Variants in NAALADL2 observed in about 807,000 individuals in gnomAD.
NAALADL2 encodes inactive N-acetylated-alpha-linked acidic dipeptidase-like protein 2.
NAALADL2 carries 76 observed loss-of-function variants against 87.2 expected under a neutral mutation model. The observed-to-expected ratio is 0.87, with a 90% CI of 0.72 to 1.05. The LOEUF (loss-of-function observed/expected upper bound fraction) is 1.05, where lower values mean the gene tolerates loss of function less well. Among genes scored for constraint, NAALADL2 ranks in the 50% least tolerant of loss-of-function variants. The pLI is 0.00. For missense variants in NAALADL2, 1,089 were observed against 945.8 expected (o/e 1.15, Z -1.99); for synonymous variants, 354 against 331.0 (o/e 1.07, Z -0.75).
At position 175,329,120 on chromosome 3, in the gene NAALADL2, ATTGT is replaced by A. The variant is rs1337015368; in HGVS notation, c.1090+4800_1090+4803del. Reference sequence around the variant, plus strand: ...CTGGTAATCTATTTACTACCAGTTAATTGTTTGTCTTGACTTAGACTTGAATTTC... The same window carrying A: ...CTGGTAATCTATTTACTACCAGTTAATTGTCTTGACTTAGACTTGAATTTC... On this transcript the variant is annotated intron_variant, in intron 5 of 13. Coordinates refer to ENST00000454872, the MANE Select transcript of NAALADL2 (RefSeq NM_207015.3). 5.9e-5 allele frequency among the ~76,000 whole-genome samples: 9 copies of A among 152,298 alleles called. No individual in the cohort carries two copies. The East Asian group carries it at 1.2e-3, about 20-fold the overall frequency.
At chr3:175,558,633 T>C (rs62288373) in intron 9 of NAALADL2, among the ~76,000 whole-genome samples, 19,737 of 152,154 alleles carry the variant, frequency 0.13, 1,381 homozygotes, top group Middle Eastern at 0.17. Flanking sequence ...TTTCATTCTT[T>C]TGCATATGGA....
At chr3:175,782,707 T>G (rs1423419618) in intron 13 of NAALADL2, among the ~76,000 whole-genome samples, 2 of 134,932 alleles carry the variant, frequency 1.5e-5, no homozygotes, top group Admixed American at 7.2e-5. Flanking sequence ...CTCTTTAGTT[T>G]AATTAGATCC....
rs1391221030 is a variant in NAALADL2, at chr3:175,783,025, G to A, written c.2190-19980G>A. Among the ~76,000 whole-genome samples the A allele has an allele frequency of 2.6e-3, 394 of 149,278 alleles. 1 individual carries two copies. The highest frequency in any genetic ancestry group is 1.9e-3 in the Non-Finnish European group (127 of 67,278). Reference sequence around the variant, plus strand: ...AAGATCAGATAGTTGTAGATATGCAGCATTATTTCTGAGGGCTCTGTTCTG... The same window carrying A: ...AAGATCAGATAGTTGTAGATATGCAACATTATTTCTGAGGGCTCTGTTCTG... On this transcript the variant is annotated intron_variant, in intron 13 of 13. Transcript: ENST00000454872.
chr3:175,506,761 A>G (rs1730379402), intron 9 of NAALADL2, among the ~76,000 whole-genome samples: 1 of 152,216 alleles, frequency 6.6e-6, no homozygotes, highest in African/African-American at 2.4e-5. Context: ...TCATAGATAC[A>G]TGTTAAGCAA....
chr3:175,676,739 C>A (rs1208760067), intron 11 of NAALADL2: 1 of 152,172 alleles, frequency 6.6e-6, no homozygotes, highest in Non-Finnish European at 1.5e-5. Flanking sequence ...CAGAGAGAAA[C>A]CCTTCCTGAC....
chr3:175,398,344 C>CTTTTTTTTTT (rs776575751), intron 5 of NAALADL2, among the ~76,000 whole-genome samples: 1 of 112,088 alleles, frequency 8.9e-6, no homozygotes, highest in Non-Finnish European at 1.8e-5. Context: ...GCTTCTGCTA[C>CTTTTTTTTTT]TTTTTTTTTT....
chr3:175,045,301 T>C (rs956411181), intron 1 of NAALADL2, among the ~76,000 whole-genome samples: 2 of 152,146 alleles, frequency 1.3e-5, no homozygotes, highest in Non-Finnish European at 2.9e-5. Flanking sequence ...TTTCTATTAG[T>C]TCATTTTCTC....
chr3:174,800,231 C>G (rs1189385164), intron 3 of NAALADL2, among the ~76,000 whole-genome samples: 14 of 152,000 alleles, frequency 9.2e-5, no homozygotes, highest in African/African-American at 2.4e-5. Flanking sequence ...AAAATATCAC[C>G]AGGGCATCAC....
intron 11 of NAALADL2, among the ~76,000 whole-genome samples, chr3:175,663,221 T>C (rs1732506258): frequency 6.6e-6 from 1 of 151,666 alleles, no homozygotes; most frequent in African/African-American, 2.4e-5. Context: ...GCTTCAGTCT[T>C]ATTACACATT....
chr3:175,412,162 T>C (rs1349238622), intron 5 of NAALADL2, among the ~76,000 whole-genome samples: 1 of 152,234 alleles, frequency 6.6e-6, no homozygotes, highest in Non-Finnish European at 1.5e-5. Flanking sequence ...TTATTCTAAG[T>C]TGACGTCTCA....
chr3:175,361,640 T>C lies in NAALADL2; in HGVS notation c.1090+37315T>C, dbSNP rs1765023827. ...CAGTGATGATGAGCATTTTTTCATG[T>C]GTCTTTTGGTTGCATAAATGTCTTC... On this transcript the variant is annotated intron_variant, in intron 5 of 13. Transcript: ENST00000454872. Among the ~76,000 whole-genome samples, 2 of 148,580 alleles carry C rather than the reference T, an allele frequency of 1.3e-5. 1 individual carries two copies. The highest frequency in any genetic ancestry group is 4.9e-5 in the African/African-American group (2 of 40,884).
At chr3:174,503,650 A>T (rs1478149266) in intron 1 of NAALADL2, among the ~76,000 whole-genome samples, 1 of 152,130 alleles carries the variant, frequency 6.6e-6, no homozygotes, top group East Asian at 1.9e-4. Flanking sequence ...AATACTAGAA[A>T]TGCTATGCAT....
intron 13 of NAALADL2, among the ~76,000 whole-genome samples, chr3:175,768,847 G>A (rs1749099017): frequency 8.2e-6 from 1 of 121,978 alleles, no homozygotes; most frequent in African/African-American, 4.0e-5. Context: ...ATGAGACTTT[G>A]TCTCAAAAAA....
At chr3:174,972,964 C>A (rs1345027758) in intron 1 of NAALADL2, among the ~76,000 whole-genome samples, 3 of 148,816 alleles carry the variant, frequency 2.0e-5, no homozygotes, top group Non-Finnish European at 4.4e-5. Context: ...CCATTGCACT[C>A]CAGCTTGGGC....
intron 3 of NAALADL2, among the ~76,000 whole-genome samples, chr3:174,770,466 T>C (rs1018639807): frequency 1.3e-5 from 2 of 152,208 alleles, no homozygotes; most frequent in Non-Finnish European, 2.9e-5. Context: ...ATAGGTTAAT[T>C]GATTGTATTA....
At chr3:174,980,051 C>T (rs1042747720) in intron 1 of NAALADL2, among the ~76,000 whole-genome samples, 1 of 152,146 alleles carries the variant, frequency 6.6e-6, no homozygotes, top group Non-Finnish European at 1.5e-5. Context: ...TTACCTGAGC[C>T]CACAGCCTAC....
At chr3:175,751,433 A>G (rs560997535) in intron 12 of NAALADL2, among the ~76,000 whole-genome samples, 1 of 152,256 alleles carries the variant, frequency 6.6e-6, no homozygotes, top group East Asian at 1.9e-4. Context: ...AAGCTGTTAC[A>G]ATATTTTTTC....
chr3:174,654,797 G>A (rs935041538), intron 2 of NAALADL2, among the ~76,000 whole-genome samples: 7 of 152,158 alleles, frequency 4.6e-5, no homozygotes, highest in East Asian at 1.9e-4. Flanking sequence ...GTGCAGTGAC[G>A]CCATCTCCAC....
intron 1 of NAALADL2, among the ~76,000 whole-genome samples, chr3:174,504,563 T>C (rs1719092625): frequency 6.6e-6 from 1 of 152,120 alleles, no homozygotes; most frequent in Non-Finnish European, 1.5e-5. Context: ...TGTCTTCTGT[T>C]TCAGAGAATC....
Sources: gnomAD v4.1 joint callset for allele counts (sites outside exome capture counted in the v4.1 genomes callset) on GRCh38, gnomAD v4.1.1 for gene constraint, MANE v1.5 for transcripts, NCBI Gene and HGNC (gene_info 2026-07-23, HGNC 2026-07-21) for gene names.